FBXO41: variants seen among roughly 807,000 people sequenced by gnomAD.
The protein encoded by FBXO41 is F-box protein 41, also known as F-box only protein 41.
Under a neutral mutation model 81.6 loss-of-function variants are expected in FBXO41, and 33 were observed. That is an observed-to-expected ratio of 0.40 (90% confidence interval 0.31 to 0.54). FBXO41 has a LOEUF of 0.54. Among genes scored for constraint, FBXO41 ranks in the 20% least tolerant of loss-of-function variants. FBXO41 has a pLI of 0.39. For synonymous variants in FBXO41, 576 were observed against 552.7 expected (o/e 1.04, Z -0.59); for missense variants, 1,107 against 1,236.0 (o/e 0.90, Z 1.56).
At chr2:73,281,131 G>A (rs1051462870) in intron 1 of FBXO41, among the ~76,000 whole-genome samples, 3 of 152,140 alleles carry the variant, frequency 2.0e-5, no homozygotes, top group African/African-American at 7.2e-5. Context: ...TATCCACCCA[G>A]CAAACGATGT....
rs901563896 is a variant in FBXO41 at position 73,273,958 on chromosome 2, C to T, written c.-138-4190G>A. Among the ~76,000 whole-genome samples, 29 of 152,234 alleles carry T rather than the reference C, an allele frequency of 1.9e-4. 1 individual carries two copies. On this transcript the variant is annotated intron_variant, in intron 1 of 12. Transcript: ENST00000520530. ...CTGGCCATCTTGATTTTTCTCTCTG[C>T]TAACCATCAAGACCTACTGGTTTTT... is the stretch of plus-strand genomic sequence containing the variant.
rs369748133 is a variant in FBXO41, at chr2:73,259,253, A to G, written c.2493T>C (p.Ile831=). 2 of 1,613,984 alleles carry G rather than the reference A, an allele frequency of 1.2e-6. No homozygotes were observed. Among genetic ancestry groups the G allele is most frequent in the South Asian group, 1.1e-5 (1 of 91,082 alleles). Residue 831 remains isoleucine, a synonymous_variant, in exon 12 of 13, where the codon ATT becomes ATC. Coordinates refer to ENST00000520530, the MANE Select transcript of FBXO41 (RefSeq NM_001371389.2). This position sits in a 1 kb window ranked among gnomAD's most constrained non-coding sequence, Gnocchi z 4.2. ...TGCTGGGCTCTTTGAAATAATCCGCAATCCCAATCTGGACCACAATGGACT... is the reference window on the plus strand; with the variant it reads ...TGCTGGGCTCTTTGAAATAATCCGCGATCCCAATCTGGACCACAATGGACT... ...NLKSIVVQIG[I]ADYFKEPSSP...
chr2:73,264,978 TC>T (rs1277271416), intron 5 of FBXO41, among the ~76,000 whole-genome samples: 2 of 151,956 alleles, frequency 1.3e-5, no homozygotes, highest in Non-Finnish European at 2.9e-5. Flanking sequence ...GGGGGGCCTC[TC>T]CCCCACTGCA....
chr2:73,265,224 G>T (rs1688200078), intron 5 of FBXO41, 58 bp downstream of exon 5: 19 of 1,469,494 alleles, frequency 1.3e-5, no homozygotes, highest in Non-Finnish European at 1.5e-5. Context: ...GGGTGCAGGA[G>T]CCCAGGAGAT....
chr2:73,261,353 C>T (rs895961952), intron 9 of FBXO41, among the ~76,000 whole-genome samples: 14 of 152,124 alleles, frequency 9.2e-5, no homozygotes, highest in East Asian at 7.7e-4. Flanking sequence ...CCACTGCGCC[C>T]GGCCTTAAGT....
At position 73,255,336 on chromosome 2, in the gene FBXO41, C is replaced by A; in HGVS notation, c.*3646G>T. 1 of 152,806 alleles carries A rather than the reference C, an allele frequency of 6.5e-6. No individual in the cohort carries two copies. The highest frequency in any genetic ancestry group is 1.5e-5 in the Non-Finnish European group (1 of 68,110). The allele number at this position is 152,806 out of a possible 1,614,324, so 9.5% of individuals were successfully genotyped here. On this transcript the variant is annotated 3_prime_UTR_variant, in exon 13 of 13. Transcript: ENST00000520530. ...TTCTGATCTTTACCCAATCCTAAAC[C>A]TTATCCTCAGGCAAGGGCTGCAGAT... is the stretch of plus-strand genomic sequence containing the variant.
rs757740063 is a variant in FBXO41, at chr2:73,265,307, C to G, written c.1539G>C (p.Gly513=). 8 of 1,608,888 alleles carry G rather than the reference C, an allele frequency of 5.0e-6. No homozygotes were observed. The Admixed American group carries it at 8.3e-5, about 17-fold the overall frequency. Residue 513 remains glycine, a synonymous_variant, in exon 5 of 13, where the codon GGG becomes GGC. Coordinates refer to ENST00000520530, the MANE Select transcript of FBXO41 (RefSeq NM_001371389.2). Reference sequence around the variant, plus strand: ...CTGAGAGCCGGCAGCTGCTCAATGGCCCAGCCATAGCAGGCCCGGGGCGGG... The same window carrying G: ...CTGAGAGCCGGCAGCTGCTCAATGGGCCAGCCATAGCAGGCCCGGGGCGGG... ...DAPRPGPAMA[G]PLSSCRLSAR...
chr2:73,263,939 G>A lies in FBXO41; in HGVS notation c.1921C>T (p.Arg641Trp), dbSNP rs770110802. The change falls in exon 7 of 13, where the codon CGG (arginine) becomes TGG (tryptophan). Residue 641 changes from arginine to tryptophan, a missense_variant and splice_region_variant. Physicochemically the swap from Arg to Trp is moderately radical, Grantham distance 101. Around this residue, in one of 2 missense-constraint regions of FBXO41, gnomAD observed 336 missense variants for 446.7 expected, o/e 0.75. Coordinates refer to ENST00000520530, the MANE Select transcript of FBXO41 (RefSeq NM_001371389.2). The part of the protein sequence containing the change: ...ESKEEYARST[R>W]GCLEAGLESL... ...CCACCCACCCATCGCAGGCCTCACC[G>A]GGTGCTCCGGGCATACTCCTCCTTG... is the stretch of plus-strand genomic sequence containing the variant. The A allele has an allele frequency of 8.7e-6, 14 of 1,610,936 alleles. No individual in the cohort carries two copies. The highest frequency in any genetic ancestry group is 4.4e-5 in the South Asian group (4 of 90,600).
At position 73,268,871 on chromosome 2, in the gene FBXO41, C is replaced by T; in HGVS notation, c.760G>A (p.Glu254Lys). 1.3e-6 allele frequency: 2 copies of T among 1,563,062 alleles called. No individual in the cohort carries two copies. The highest frequency in any genetic ancestry group is 1.2e-5 in the South Asian group (1 of 84,842). The change falls in exon 2 of 13, where the codon GAG (glutamate) becomes AAG (lysine). Residue 254 changes from glutamate to lysine, a missense_variant. Physicochemically the swap from Glu to Lys is moderately conservative, Grantham distance 56. Around this residue, in one of 2 missense-constraint regions of FBXO41, gnomAD observed 771 missense variants for 789.2 expected, o/e 0.98. Transcript: ENST00000520530. ...TTCTCGCGCCCGAGCCTCGCACTCT[C>T]CTGCCGCGCAGTCTCCAGTTCGGCC... is the stretch of plus-strand genomic sequence containing the variant. ...KAAELETARQESARLGREKEE... is the reference protein window; with the variant it reads ...KAAELETARQKSARLGREKEE...
chr2:73,282,018 G>A (rs147541155), intron 1 of FBXO41, among the ~76,000 whole-genome samples: 1,948 of 152,212 alleles, frequency 0.013, 47 homozygotes, highest in African/African-American at 0.043. Flanking sequence ...TTTTGAGATG[G>A]AGTTTTGCTC....
chr2:73,263,356 G>A, intron 8 of FBXO41, 48 bp from the exon 9 acceptor site: 1 of 1,384,580 alleles, frequency 7.2e-7, no homozygotes, highest in Non-Finnish European at 9.6e-7. Context: ...GGCTTATACT[G>A]GTAATCCCAA....
In FBXO41 at chr2:73,265,984, AG is replaced by A. The variant is rs756783535; in HGVS notation, c.1132-19del. On this transcript the variant is annotated intron_variant, in intron 3 of 12. Transcript: ENST00000520530. ...TGTTCTCGCTGTGGGCCCCCAGAGC[AG>A]GAGGTAAAGGAGAGGGGCGGAGGAG... 54 of 1,559,138 alleles carry A rather than the reference AG, an allele frequency of 3.5e-5. 1 individual carries two copies. Among genetic ancestry groups the A allele is most frequent in the Non-Finnish European group, 4.4e-5 (51 of 1,149,844 alleles).
chr2:73,276,487 C>T (rs1318495165), intron 1 of FBXO41, among the ~76,000 whole-genome samples: 1 of 149,972 alleles, frequency 6.7e-6, no homozygotes, highest in South Asian at 2.1e-4. Flanking sequence ...CAAAATGTAG[C>T]CTTGAGAAGT....
rs1174255521 is a variant in FBXO41, at chr2:73,260,209, A to G, written c.2449+180T>C. 1.3e-5 allele frequency among the ~76,000 whole-genome samples: 2 copies of G among 152,168 alleles called. No individual in the cohort carries two copies. The highest frequency in any genetic ancestry group is 2.9e-5 in the Non-Finnish European group (2 of 68,020). Reference sequence around the variant, plus strand: ...ACATCACTCAGCTAATAAGTAGCAGAGCCAGACCTGGGACCTAGGTCAGTC... The same window carrying G: ...ACATCACTCAGCTAATAAGTAGCAGGGCCAGACCTGGGACCTAGGTCAGTC... On this transcript the variant is annotated intron_variant, in intron 11 of 12. Coordinates refer to ENST00000520530, the MANE Select transcript of FBXO41 (RefSeq NM_001371389.2). The surrounding 1 kb of genome is among the most constrained non-coding windows in gnomAD (Gnocchi z 5.0).
intron 1 of FBXO41, among the ~76,000 whole-genome samples, chr2:73,274,731 T>TTTTTG (rs1553385232): frequency 6.6e-6 from 1 of 152,040 alleles, no homozygotes; most frequent in African/African-American, 2.4e-5. Context: ...TTGGATTTTT[T>TTTTTG]TTTGTTTGTT....
chr2:73,268,240 G>A (rs1688353996), intron 2 of FBXO41, among the ~76,000 whole-genome samples: 1 of 152,146 alleles, frequency 6.6e-6, no homozygotes, highest in African/African-American at 2.4e-5. Context: ...AGAAAGTGAG[G>A]AAAGAAATTG....
intron 1 of FBXO41, chr2:73,271,433 C>T (rs1452213987): frequency 6.5e-6 from 1 of 153,424 alleles, no homozygotes; most frequent in Non-Finnish European, 1.5e-5. Context: ...AAAGCATTGT[C>T]TTTGGGATCA....
At position 73,265,411 on chromosome 2, in the gene FBXO41, T is replaced by C. The variant is rs1688212350; in HGVS notation, c.1435A>G (p.Thr479Ala). ...GAGACATCACCCTCTTCCCCCTCAG[T>C]GCTGTGTCGGCGGGGTCTGCGCTGC... ...NWQRRPRRHS[T>A]EGEEGDVSDV... Residue 479 changes from threonine to alanine, a missense_variant, in exon 5 of 13, where the codon ACT (threonine) becomes GCT (alanine). By Grantham distance (58) the Thr-to-Ala change is moderately conservative. Coordinates refer to ENST00000520530, the MANE Select transcript of FBXO41 (RefSeq NM_001371389.2). 2 of 1,610,294 alleles carry C rather than the reference T, an allele frequency of 1.2e-6. No homozygotes were observed. The highest frequency in any genetic ancestry group is 1.3e-5 in the African/African-American group (1 of 74,924).
intron 1 of FBXO41, chr2:73,272,215 A>AG (rs1688527589): frequency 6.6e-6 from 1 of 152,204 alleles, no homozygotes; most frequent in Admixed American, 6.5e-5. Flanking sequence ...GGATTTGTAG[A>AG]AAAATGTCAG....
Sources: gnomAD v4.1 joint callset for allele counts (sites outside exome capture counted in the v4.1 genomes callset) on GRCh38, gnomAD v4.1.1 for gene constraint, gnomAD v4.1.1 regional missense constraint, Gnocchi (gnomAD v3.1) non-coding constraint, MANE v1.5 for transcripts, NCBI Gene and HGNC (gene_info 2026-07-23, HGNC 2026-07-21) for gene names.